The following SETDB2 variants were observed in gnomAD, a reference collection of about 807,000 sequenced individuals.
SETDB2 encodes SET domain bifurcated histone lysine methyltransferase 2, also known as histone-lysine N-methyltransferase SETDB2.
In SETDB2, 56 loss-of-function variants were observed where a neutral mutation model predicts 82.5. The ratio of observed to expected loss-of-function variants is 0.68; its 90% CI spans 0.55 to 0.85. The LOEUF is 0.85. SETDB2 is among the 40% of genes least tolerant of loss of function. The pLI, the probability that SETDB2 is intolerant of heterozygous loss-of-function variation, is 0.00. For synonymous variants in SETDB2, 272 were observed against 284.9 expected (o/e 0.95, Z 0.46); for missense variants, 677 against 816.4 (o/e 0.83, Z 2.08).
Position 49,480,264 on chromosome 13 carries a change from T to G in SETDB2, c.915T>G (p.Thr305=). 1 of 1,611,766 alleles carries G rather than the reference T, an allele frequency of 6.2e-7. No homozygotes were observed. ...CLQLTARNAK[T]SPLSSDKITT... The stretch of plus-strand genomic sequence containing the variant: ...AACTGACAGCAAGGAATGCCAAAAC[T>G]TCCCCCTTGTCAAGTGACAAAATAA... Residue 305 remains threonine (T), a synonymous_variant, in exon 7 of 14, where the codon ACT becomes ACG. Coordinates refer to ENST00000611815, the MANE Select transcript of SETDB2 (RefSeq NM_001160308.3).
In SETDB2 at chr13:49,482,925, C is replaced by A; in HGVS notation, c.1345C>A (p.Pro449Thr). The A allele has an allele frequency of 6.2e-7, 1 of 1,612,834 alleles. No individual in the cohort carries two copies. The highest frequency in any genetic ancestry group is 1.1e-5 in the South Asian group (1 of 90,718). The change falls in exon 9 of 14, where the codon CCA becomes ACA. Residue 449 changes from proline to threonine, a missense_variant. Physicochemically the swap from Pro to Thr is conservative, Grantham distance 38. This residue lies in a region of SETDB2 where 420 missense variants were observed against 554.6 expected (regional missense o/e 0.76). Transcript: ENST00000611815. ...TAGAACTGCTAAAACTGAGAAATGTCCACCAAAGTTCAGTAATAATCCCAA... is the reference window on the plus strand; with the variant it reads ...TAGAACTGCTAAAACTGAGAAATGTACACCAAAGTTCAGTAATAATCCCAA... ...HPRTAKTEKC[P>T]PKFSNNPKEL...
chr13:49,453,013 G>A (rs1003014948), intron 2 of SETDB2, among the ~76,000 whole-genome samples: 6 of 151,896 alleles, frequency 4.0e-5, no homozygotes, highest in African/African-American at 7.3e-5. Context: ...TATACTCTTC[G>A]GAAATAAATC....
chr13:49,471,145 A>T (rs1294268048), intron 5 of SETDB2, among the ~76,000 whole-genome samples: 6 of 142,690 alleles, frequency 4.2e-5, no homozygotes, highest in South Asian at 2.2e-4. Context: ...AATTTTTAAC[A>T]TTTTTTTTTT....
intron 13 of SETDB2, among the ~76,000 whole-genome samples, chr13:49,491,472 CATG>C (rs1366232219): frequency 6.6e-6 from 1 of 152,240 alleles, no homozygotes; most frequent in African/African-American, 2.4e-5. Flanking sequence ...GGCCTCAACA[CATG>C]ACTGGGTCCC....
rs746320918 is a variant in SETDB2 at position 49,485,693 on chromosome 13, C to G, written c.1546C>G (p.His516Asp). 1 of 1,614,090 alleles carries G rather than the reference C, an allele frequency of 6.2e-7. No homozygotes were observed. The highest frequency in any genetic ancestry group is 1.1e-5 in the South Asian group (1 of 91,080). The change falls in exon 11 of 14, where the codon CAT (histidine) becomes GAT (aspartate). Residue 516 changes from histidine to aspartate, a missense_variant. By Grantham distance (81) the His-to-Asp change is moderately conservative (BLOSUM62 -1). Coordinates refer to ENST00000611815, the MANE Select transcript of SETDB2 (RefSeq NM_001160308.3). ...TGATGGATTTAAACCACCCCGAGAGCATCTGAACTCTAAAACCAAGGGAGC... is the reference window on the plus strand; with the variant it reads ...TGATGGATTTAAACCACCCCGAGAGGATCTGAACTCTAAAACCAAGGGAGC... ...DNDGFKPPREHLNSKTKGAQK... is the reference protein window; with the variant it reads ...DNDGFKPPREDLNSKTKGAQK...
Position 49,493,464 on chromosome 13 carries a change from G to T in SETDB2, c.*1615G>T, listed in dbSNP as rs1043455280. 3.9e-5 allele frequency: 6 copies of T among 152,056 alleles called. No individual in the cohort carries two copies. Among genetic ancestry groups the T allele is most frequent in the Non-Finnish European group, 7.4e-5 (5 of 68,020 alleles). The allele number at this position is 152,056 out of a possible 1,614,324, so 9.4% of individuals were successfully genotyped here. On this transcript the variant is annotated 3_prime_UTR_variant, in exon 14 of 14. Coordinates refer to ENST00000611815, the MANE Select transcript of SETDB2 (RefSeq NM_001160308.3). ...TAAAATCTTGATTTGCTTTAGTCTG[G>T]ACTGGTTCATAGCCATCATCTTCCA...
At chr13:49,478,475 A>G (rs1052761767) in intron 6 of SETDB2, among the ~76,000 whole-genome samples, 32 of 152,198 alleles carry the variant, frequency 2.1e-4, no homozygotes, top group African/African-American at 7.7e-4. Flanking sequence ...ACTAAACCCC[A>G]CAGAAGGTAT....
chr13:49,452,214 C>T (rs889167932), intron 2 of SETDB2, among the ~76,000 whole-genome samples: 2 of 151,794 alleles, frequency 1.3e-5, no homozygotes, highest in African/African-American at 4.8e-5. Context: ...TGGGATCAAG[C>T]GATTCTCCTG....
intron 2 of SETDB2, among the ~76,000 whole-genome samples, chr13:49,455,578 C>T (rs1957867379): frequency 6.6e-6 from 1 of 152,110 alleles, no homozygotes; most frequent in Admixed American, 6.5e-5. Context: ...TCTTCAGAAA[C>T]TTTCAGGTTT....
In SETDB2 at chr13:49,480,323, A is replaced by G; in HGVS notation, c.974A>G (p.Gln325Arg). The G allele has an allele frequency of 6.3e-7, 1 of 1,593,518 alleles. No individual in the cohort carries two copies. The highest frequency in any genetic ancestry group is 8.5e-7 in the Non-Finnish European group (1 of 1,169,834). Residue 325 changes from glutamine to arginine, a missense_variant, in exon 7 of 14, where the codon CAG becomes CGG. Gln to Arg is a conservative substitution (Grantham distance 43). Transcript: ENST00000611815. ...TGYKYKRLQRQIPTGIYECSL... is the reference protein window; with the variant it reads ...TGYKYKRLQRRIPTGIYECSL... ...TATAAATATAAAAGACTACAGAGAC[A>G]GATTCCTACTGGGTAAGGTACCTTG...
chr13:49,460,050 G>A (rs2138855958), intron 2 of SETDB2, 57 bp from the exon 3 acceptor site: 1 of 1,536,504 alleles, frequency 6.5e-7, no homozygotes, highest in African/African-American at 1.4e-5. Context: ...CATGTTCTTA[G>A]ATAAATTATA....
chr13:49,476,859 C>T lies in SETDB2; in HGVS notation c.689C>T (p.Ser230Phe). The T allele has an allele frequency of 1.2e-6, 2 of 1,614,116 alleles. No homozygotes were observed. Among genetic ancestry groups the T allele is most frequent in the Non-Finnish European group, 1.7e-6 (2 of 1,180,022 alleles). The change falls in exon 6 of 14, where the codon TCT becomes TTT. Residue 230 changes from serine to phenylalanine, a missense_variant. Transcript: ENST00000611815. ...TACCCAAAGCAAAAAGAAGTTGTTT[C>T]TGATGTGGATATTAGCAATGGAGTG... ...RNYPKQKEVV[S>F]DVDISNGVES... is the part of the protein sequence containing the mutation.
chr13:49,486,313 A>AT (rs34424861), intron 11 of SETDB2, among the ~76,000 whole-genome samples: 2 of 151,714 alleles, frequency 1.3e-5, no homozygotes, highest in African/African-American at 4.8e-5. Flanking sequence ...CAAAAAAAAA[A>AT]ATAAAATGTA....
At position 49,461,162 on chromosome 13, in the gene SETDB2, G is replaced by A; in HGVS notation, c.208G>A (p.Asp70Asn). The A allele has an allele frequency of 6.3e-7, 1 of 1,592,938 alleles. No homozygotes were observed. The highest frequency in any genetic ancestry group is 8.6e-7 in the Non-Finnish European group (1 of 1,161,938). ...AATTAACAGTTCAACATCAATAAAG[G>A]GTATGTACATCTCTATTCCCATTGT... is the stretch of plus-strand genomic sequence containing the variant. ...TIINSSTSIK[D>N]PMPVTQKEQE... Residue 70 changes from aspartate (D) to asparagine (N), a missense_variant and splice_region_variant, in exon 4 of 14, where the codon GAT becomes AAT. By Grantham distance (23) the Asp-to-Asn change is conservative (BLOSUM62 1). Around this residue, in one of 3 missense-constraint regions of SETDB2, gnomAD observed 243 missense variants for 237.2 expected, o/e 1.02. Coordinates refer to ENST00000611815, the MANE Select transcript of SETDB2 (RefSeq NM_001160308.3).
intron 2 of SETDB2, among the ~76,000 whole-genome samples, chr13:49,455,649 A>G (rs984458116): frequency 6.6e-6 from 1 of 152,096 alleles, no homozygotes; most frequent in Non-Finnish European, 1.5e-5. Flanking sequence ...GAATTTTGTC[A>G]TTAGCAAGAA....
chr13:49,474,890 T>A (rs925857749), intron 5 of SETDB2, among the ~76,000 whole-genome samples: 14 of 152,256 alleles, frequency 9.2e-5, no homozygotes, highest in African/African-American at 3.4e-4. Flanking sequence ...CATTTAAAAG[T>A]GCTCAGTAAC....
chr13:49,458,681 C>T (rs1424796364), intron 2 of SETDB2, among the ~76,000 whole-genome samples: 6 of 152,212 alleles, frequency 3.9e-5, no homozygotes. Context: ...TATTTCTGAA[C>T]CAGATCTTAC....
chr13:49,491,587 G>A, intron 13 of SETDB2, 145 bp from the exon 14 acceptor site: 1 of 610,774 alleles, frequency 1.6e-6, no homozygotes, highest in Non-Finnish European at 2.9e-6. Context: ...CTTAATAAAA[G>A]GTCATTCCTA....
intron 2 of SETDB2, among the ~76,000 whole-genome samples, chr13:49,456,930 A>G (rs1364800673): frequency 1.3e-5 from 2 of 152,244 alleles, no homozygotes; most frequent in Non-Finnish European, 2.9e-5. Context: ...TTTAATGAAA[A>G]TTAAACCTAG....
Sources: gnomAD v4.1 joint callset for allele counts (sites outside exome capture counted in the v4.1 genomes callset) on GRCh38, gnomAD v4.1.1 for gene constraint, gnomAD v4.1.1 regional missense constraint, MANE v1.5 for transcripts, NCBI Gene and HGNC (gene_info 2026-07-23, HGNC 2026-07-21) for gene names.